Variants in SLC25A23 observed in about 807,000 individuals in gnomAD.
SLC25A23 encodes the protein solute carrier family 25 member 23, also known as mitochondrial adenyl nucleotide antiporter SLC25A23.
A neutral mutation model predicts 53.9 loss-of-function variants in SLC25A23; 32 were observed. That is an observed-to-expected ratio of 0.59 (90% confidence interval 0.45 to 0.80). The LOEUF (loss-of-function observed/expected upper bound fraction) is 0.80, where lower values mean the gene tolerates loss of function less well. Ranked by LOEUF, SLC25A23 falls within the 30% of genes least tolerant of loss-of-function variation. The pLI, the probability that SLC25A23 is intolerant of heterozygous loss-of-function variation, is 0.00. For synonymous variants in SLC25A23, 275 were observed against 264.5 expected (o/e 1.04, Z -0.38); for missense variants, 575 against 651.4 (o/e 0.88, Z 1.28).
intron 1 of SLC25A23, 61 bp from the exon 2 acceptor site, chr19:6,458,385 G>A (rs1049920210): frequency 4.5e-5 from 70 of 1,564,060 alleles, no homozygotes; most frequent in Admixed American, 1.1e-4. Flanking sequence ...TGGAGGGGAC[G>A]CATGTCACCT....
chr19:6,444,180 G>A lies in SLC25A23; in HGVS notation c.1193C>T (p.Ala398Val), dbSNP rs780938034. The change falls in exon 9 of 10, where the codon GCC (alanine) becomes GTC (valine). Residue 398 changes from alanine (A) to valine (V), a missense_variant. Physicochemically the swap from Ala to Val is moderately conservative, Grantham distance 64. Coordinates refer to ENST00000301454, the MANE Select transcript of SLC25A23 (RefSeq NM_024103.3). The part of the protein sequence containing the change: ...TCGQIASYPL[A>V]LVRTRMQAQA... ...TGCCTGCATGCGGGTCCGGACCAGGGCCAGCGGGTAACTGGCTATCTGGCC... is the reference window on the plus strand; with the variant it reads ...TGCCTGCATGCGGGTCCGGACCAGGACCAGCGGGTAACTGGCTATCTGGCC... 2 of 1,596,250 alleles carry A rather than the reference G, an allele frequency of 1.3e-6. No individual in the cohort carries two copies. The highest frequency in any genetic ancestry group is 1.1e-5 in the South Asian group (1 of 88,090).
rs141581313 is a variant in SLC25A23, at chr19:6,444,289, A to G, written c.1084T>C (p.Trp362Arg). 1 of 1,227,134 alleles carries G rather than the reference A, an allele frequency of 8.1e-7. No individual in the cohort carries two copies. Among genetic ancestry groups the G allele is most frequent in the Non-Finnish European group, 1.1e-6 (1 of 889,042 alleles). The allele number at this position is 1,227,134 out of a possible 1,614,324, so 76.0% of individuals were successfully genotyped here. Residue 362 changes from tryptophan (W) to arginine (R), a missense_variant, in exon 9 of 10, where the codon TGG becomes CGG. Coordinates refer to ENST00000301454, the MANE Select transcript of SLC25A23 (RefSeq NM_024103.3). ...TCGTGGCTGTACTGCTGAAGCCACC[A>G]GTTCTTCAGAGTCTGGAGTGGAGAA... ...DLAVYETLKNWWLQQYSHDSA... is the reference protein window; with the variant it reads ...DLAVYETLKNRWLQQYSHDSA...
intron 8 of SLC25A23, among the ~76,000 whole-genome samples, chr19:6,449,173 C>A (rs1364044585): frequency 1.3e-5 from 2 of 152,038 alleles, no homozygotes; most frequent in Non-Finnish European, 2.9e-5. Flanking sequence ...TTTCTAAAAC[C>A]TCTTAGACTT....
At chr19:6,444,342 C>T in intron 8 of SLC25A23, 41 bp from the exon 9 acceptor site, 1 of 1,550,420 alleles carries the variant, frequency 6.4e-7, no homozygotes, top group Non-Finnish European at 8.8e-7. Flanking sequence ...GGGTGGGTGA[C>T]CCTAGGACCC....
downstream of SLC25A23, chr19:6,436,211 C>T (rs2860185): frequency 0.51 from 144,544 of 280,880 alleles, 38,985 homozygotes; most frequent in East Asian, 0.7. Context: ...ACTCAGGAGC[C>T]GCTGAGCCGG....
At chr19:6,453,110 C>T (rs886329423) in intron 7 of SLC25A23, among the ~76,000 whole-genome samples, 2 of 152,028 alleles carry the variant, frequency 1.3e-5, no homozygotes, top group African/African-American at 4.8e-5. Context: ...GAACGGAGCA[C>T]AAGCAGCCAC....
intron 8 of SLC25A23, among the ~76,000 whole-genome samples, chr19:6,445,818 G>A (rs1159302474): frequency 3.3e-5 from 5 of 152,048 alleles, no homozygotes; most frequent in South Asian, 2.1e-4. Flanking sequence ...TTGGGAGGCC[G>A]AGGCAAGAGG....
intron 9 of SLC25A23, among the ~76,000 whole-genome samples, chr19:6,443,840 G>A (rs2092462812): frequency 6.6e-6 from 1 of 152,058 alleles, no homozygotes; most frequent in East Asian, 1.9e-4. Flanking sequence ...CTAGCCTCCC[G>A]CTCACGATAA....
rs148402835 is a variant in SLC25A23 at position 6,456,156 on chromosome 19, G to A, written c.483+264C>T. ...GGTGAGCTCTTTCTTCCCTGTACCCGCAACCCCCACACGCTGTCCCCAGAG... is the reference window on the plus strand; with the variant it reads ...GGTGAGCTCTTTCTTCCCTGTACCCACAACCCCCACACGCTGTCCCCAGAG... On this transcript the variant is annotated intron_variant, in intron 4 of 9. Transcript: ENST00000301454. 7.6e-4 allele frequency: 1,063 copies of A among 1,402,848 alleles called. 2 individuals are homozygous for A. The highest frequency in any genetic ancestry group is 2.2e-3 in the East Asian group (77 of 35,802). The allele number at this position is 1,402,848 out of a possible 1,614,324, so 86.9% of individuals were successfully genotyped here.
At chr19:6,437,891 C>A (rs1238969680), downstream of SLC25A23, among the ~76,000 whole-genome samples, 1 of 145,880 alleles carries the variant, frequency 6.9e-6, no homozygotes. Flanking sequence ...ATGGTGAAAC[C>A]CCATCTCTAC....
At position 6,454,268 on chromosome 19, in the gene SLC25A23, T is replaced by C. The variant is rs2092640813; in HGVS notation, c.795+55A>G. On this transcript the variant is annotated intron_variant, in intron 6 of 9. Transcript: ENST00000301454. The surrounding 1 kb of genome is among the most constrained non-coding windows in gnomAD (Gnocchi z 4.3). ...CCCAAGCCAATCCCGTAAATCTTTATGTACAGCCCAGTCTTCCCTATGGCA... is the reference window on the plus strand; with the variant it reads ...CCCAAGCCAATCCCGTAAATCTTTACGTACAGCCCAGTCTTCCCTATGGCA... 2.5e-6 allele frequency: 4 copies of C among 1,573,306 alleles called. No homozygotes were observed. The highest frequency in any genetic ancestry group is 3.6e-5 in the Admixed American group (2 of 55,932).
At position 6,454,822 on chromosome 19, in the gene SLC25A23, G is replaced by T; in HGVS notation, c.484-105C>A. 7.3e-7 allele frequency: 1 copy of T among 1,363,372 alleles called. No individual in the cohort carries two copies. Among genetic ancestry groups the T allele is most frequent in the Non-Finnish European group, 1.0e-6 (1 of 996,526 alleles). 84.5% of individuals were successfully genotyped at this position (1,363,372 alleles called of 1,614,324 possible). A position where few individuals can be genotyped will look rare whatever the true frequency, so the allele number is the denominator to read the frequency against. Reference sequence around the variant, plus strand: ...TCTATGAATCCTAGGATACCCTAGAGTCTGCCAATGACTCTTGCTTGGAGA... The same window carrying T: ...TCTATGAATCCTAGGATACCCTAGATTCTGCCAATGACTCTTGCTTGGAGA... On this transcript the variant is annotated intron_variant, in intron 4 of 9. Coordinates refer to ENST00000301454, the MANE Select transcript of SLC25A23 (RefSeq NM_024103.3). This position sits in a 1 kb window ranked among gnomAD's most constrained non-coding sequence, Gnocchi z 4.3.
Position 6,458,310 on chromosome 19 carries a change from C to T in SLC25A23, c.171G>A (p.Glu57=). 6.2e-7 allele frequency: 1 copy of T among 1,612,846 alleles called. No homozygotes were observed. Among genetic ancestry groups the T allele is most frequent in the East Asian group, 2.2e-5 (1 of 44,874 alleles). Residue 57 remains glutamate, a synonymous_variant, in exon 2 of 10, where the codon GAG becomes GAA. Transcript: ENST00000301454. ...DPGAQQGISS[E]GDADPDGGLD... ...GCCCGCCATCTGGGTCAGCATCACC[C>T]TCAGAGGAGATACCCTGACAGAGGG...
In SLC25A23 at chr19:6,458,194, T is replaced by G; in HGVS notation, c.283+4A>C. On this transcript the variant is annotated splice_donor_region_variant and intron_variant, in intron 2 of 9. Transcript: ENST00000301454. ...GGGCCTGCAGGCAGGTCGCCCGACC[T>G]TACCATCCTGGTTCCGGTCAAGACT... 1 of 1,613,226 alleles carries G rather than the reference T, an allele frequency of 6.2e-7. No individual in the cohort carries two copies. The highest frequency in any genetic ancestry group is 8.5e-7 in the Non-Finnish European group (1 of 1,179,908).
chr19:6,438,806 G>A (rs906011177), downstream of SLC25A23: 10 of 326,336 alleles, frequency 3.1e-5, no homozygotes, highest in East Asian at 1.1e-3. Context: ...CTGAAATCGA[G>A]CCACTGTACT....
Position 6,456,539 on chromosome 19 carries a change from G to C in SLC25A23, c.372-8C>G. 1 of 1,586,406 alleles carries C rather than the reference G, an allele frequency of 6.3e-7. No individual in the cohort carries two copies. The highest frequency in any genetic ancestry group is 8.7e-7 in the Non-Finnish European group (1 of 1,155,978). On this transcript the variant is annotated splice_polypyrimidine_tract_variant and splice_region_variant and intron_variant, in intron 3 of 9. Transcript: ENST00000301454. Reference sequence around the variant, plus strand: ...GTGCCGTCTCGGTCCATGCTGGGGGGAAGAAAGGGGGTGGAGGAGGACAGG... The same window carrying C: ...GTGCCGTCTCGGTCCATGCTGGGGGCAAGAAAGGGGGTGGAGGAGGACAGG...
chr19:6,439,174 C>T (rs1338745546), downstream of SLC25A23, among the ~76,000 whole-genome samples: 3 of 151,794 alleles, frequency 2.0e-5, no homozygotes, highest in South Asian at 2.1e-4. Context: ...GAGCCGAGAT[C>T]GCACCACTGC....
At chr19:6,448,721 A>G (rs1019130979) in intron 8 of SLC25A23, among the ~76,000 whole-genome samples, 3 of 151,290 alleles carry the variant, frequency 2.0e-5, no homozygotes. Context: ...CACCCCCCTC[A>G]GCCTCCCAAA....
intron 3 of SLC25A23, 117 bp downstream of exon 3, chr19:6,457,386 G>C: frequency 2.2e-6 from 2 of 918,220 alleles, no homozygotes; most frequent in Admixed American, 2.2e-5. Context: ...TGACTTCAAA[G>C]CCCCAACCTC....
Sources: gnomAD v4.1 joint callset for allele counts (sites outside exome capture counted in the v4.1 genomes callset) on GRCh38, gnomAD v4.1.1 for gene constraint, Gnocchi (gnomAD v3.1) non-coding constraint, MANE v1.5 for transcripts, NCBI Gene and HGNC (gene_info 2026-07-23, HGNC 2026-07-21) for gene names.